RNF38: variants seen among roughly 807,000 people sequenced by gnomAD.
RNF38 encodes the protein E3 ubiquitin-protein ligase RNF38.
A neutral mutation model predicts 67.2 loss-of-function variants in RNF38; 15 were observed. That is an observed-to-expected ratio of 0.22 (90% CI 0.15 to 0.34). The LOEUF (loss-of-function observed/expected upper bound fraction) is 0.34. Ranked by LOEUF, RNF38 falls within the 10% of genes least tolerant of loss-of-function variation. The pLI, the probability that RNF38 is intolerant of heterozygous loss-of-function variation, is 1.00. For synonymous variants in RNF38, 220 were observed against 218.8 expected, an observed-to-expected ratio of 1.01 and a Z score of -0.05; for missense variants, 524 against 639.9, an observed-to-expected ratio of 0.82 and a Z score of 1.95.
chr9:36,417,243 C>T (rs1475424257), intron 2 of RNF38, among the ~76,000 whole-genome samples: 2 of 152,080 alleles, frequency 1.3e-5, no homozygotes, highest in South Asian at 2.1e-4. Flanking sequence ...GAATTTGCAG[C>T]GACAAGCCGC....
chr9:36,380,501 G>T (rs1587558856), intron 2 of RNF38, among the ~76,000 whole-genome samples: 1 of 148,230 alleles, frequency 6.7e-6, no homozygotes, highest in Non-Finnish European at 1.5e-5. Context: ...CGCCCGGCCT[G>T]TTTTTTTTTT....
At chr9:36,453,281 ACAGCTCACTG>A (rs1839503816) in intron 1 of RNF38, among the ~76,000 whole-genome samples, 1 of 151,958 alleles carries the variant, frequency 6.6e-6, no homozygotes, top group African/African-American at 2.4e-5. Flanking sequence ...TGGCACAAAC[ACAGCTCACTG>A]CAGCCTCAAA....
Position 36,383,195 on chromosome 9 carries a change from A to T in RNF38, c.163-7068T>A, listed in dbSNP as rs184911613. ...CATTTTTAAACTATGTCCAGATAATACGTAAAATGTGGTTTTTTGGTTGCT... is the reference window on the plus strand; with the variant it reads ...CATTTTTAAACTATGTCCAGATAATTCGTAAAATGTGGTTTTTTGGTTGCT... On this transcript the variant is annotated intron_variant, in intron 2 of 11. Coordinates refer to ENST00000259605, the MANE Select transcript of RNF38 (RefSeq NM_022781.5). 7.9e-5 allele frequency among the ~76,000 whole-genome samples: 12 copies of T among 152,268 alleles called. No homozygotes were observed. The East Asian group carries it at 2.3e-3, about 29-fold the overall frequency.
intron 1 of RNF38, among the ~76,000 whole-genome samples, chr9:36,480,892 C>T (rs1051981431): frequency 2.0e-5 from 3 of 151,984 alleles, no homozygotes; most frequent in Non-Finnish European, 4.4e-5. Flanking sequence ...TACTTCCCTA[C>T]ATTTCTCAAC....
intron 2 of RNF38, among the ~76,000 whole-genome samples, chr9:36,423,948 CAAAAAAA>C (rs1176900248): frequency 6.7e-4 from 5 of 7,408 alleles, no homozygotes; most frequent in South Asian, 5.0e-3. Flanking sequence ...GACTCCGTCT[CAAAAAAA>C]AAAAAAAAAA....
At chr9:36,360,153 G>GAAAAA (rs11291940) in intron 4 of RNF38, among the ~76,000 whole-genome samples, 1 of 150,110 alleles carries the variant, frequency 6.7e-6, no homozygotes, top group Admixed American at 6.6e-5. Flanking sequence ...AGACAGGATT[G>GAAAAA]AAAAAAAAAA....
chr9:36,447,572 C>A (rs1191013063), intron 1 of RNF38, among the ~76,000 whole-genome samples: 1 of 152,094 alleles, frequency 6.6e-6, no homozygotes, highest in Non-Finnish European at 1.5e-5. Context: ...TGGTCAGTAA[C>A]AACCAACCTG....
chr9:36,435,234 T>G (rs1463459460), intron 1 of RNF38, among the ~76,000 whole-genome samples: 3 of 152,174 alleles, frequency 2.0e-5, no homozygotes, highest in Non-Finnish European at 4.4e-5. Flanking sequence ...ATTTTTAAAT[T>G]TTTGAACCAT....
intron 1 of RNF38, among the ~76,000 whole-genome samples, chr9:36,484,428 T>A (rs1284101476): frequency 6.6e-6 from 1 of 152,174 alleles, no homozygotes; most frequent in Non-Finnish European, 1.5e-5. Context: ...AAAACTGTGT[T>A]CTATAAACAA....
At chr9:36,352,719 C>T (rs375732715) in intron 8 of RNF38, 23 bp downstream of exon 8, 5 of 1,500,236 alleles carry the variant, frequency 3.3e-6, no homozygotes, top group African/African-American at 1.4e-5. Flanking sequence ...ATTCAGAAAT[C>T]ATTAAGATAA....
intron 1 of RNF38, among the ~76,000 whole-genome samples, chr9:36,477,575 ACTTTGGGAGG>A (rs1430675210): frequency 6.6e-6 from 1 of 151,810 alleles, no homozygotes; most frequent in Non-Finnish European, 1.5e-5. Flanking sequence ...TAATCCCAAC[ACTTTGGGAGG>A]CTGAGGCAGG....
intron 6 of RNF38, among the ~76,000 whole-genome samples, chr9:36,354,574 C>T (rs1833953232): frequency 6.6e-6 from 1 of 152,192 alleles, no homozygotes; most frequent in Admixed American, 6.5e-5. Context: ...GCTTTCAAGG[C>T]TCATCTGTTT....
At chr9:36,423,799 A>T (rs1384239259) in intron 2 of RNF38, among the ~76,000 whole-genome samples, 3 of 88,628 alleles carry the variant, frequency 3.4e-5, no homozygotes, top group African/African-American at 1.2e-4. Flanking sequence ...AATACAAAAA[A>T]TTAGCCGGGC....
chr9:36,372,238 C>T (rs771811077), intron 3 of RNF38, among the ~76,000 whole-genome samples: 1 of 152,106 alleles, frequency 6.6e-6, no homozygotes, highest in Non-Finnish European at 1.5e-5. Context: ...TGAATGAACT[C>T]ACTTTTTCTA....
intron 2 of RNF38, among the ~76,000 whole-genome samples, chr9:36,389,356 A>AC (rs1032948318): frequency 1.8e-4 from 27 of 151,552 alleles, no homozygotes; most frequent in Non-Finnish European, 2.9e-4. Context: ...AAAAAAAAAA[A>AC]AAAACCCTTT....
At chr9:36,362,200 T>C (rs1432502475) in intron 4 of RNF38, among the ~76,000 whole-genome samples, 1 of 151,778 alleles carries the variant, frequency 6.6e-6, no homozygotes, top group African/African-American at 2.4e-5. Flanking sequence ...CTACTAAAAA[T>C]ACAAACAATT....
chr9:36,459,000 G>C (rs921768444), intron 1 of RNF38, among the ~76,000 whole-genome samples: 7 of 152,244 alleles, frequency 4.6e-5, no homozygotes, highest in Admixed American at 2.0e-4. Context: ...ACGAGGTCAA[G>C]AGATTGAGAC....
chr9:36,445,926 C>T (rs1188620866), intron 1 of RNF38, among the ~76,000 whole-genome samples: 3 of 152,212 alleles, frequency 2.0e-5, no homozygotes, highest in Non-Finnish European at 4.4e-5. Context: ...AACTTCAGAG[C>T]CGTTGCCACA....
chr9:36,384,759 AG>A (rs1394590860), intron 2 of RNF38, among the ~76,000 whole-genome samples: 2 of 152,214 alleles, frequency 1.3e-5, no homozygotes, highest in East Asian at 3.8e-4. Flanking sequence ...TGTTTATTTT[AG>A]GCTAAGGAAA....
Sources: gnomAD v4.1 joint callset for allele counts (sites outside exome capture counted in the v4.1 genomes callset) on GRCh38, gnomAD v4.1.1 for gene constraint, MANE v1.5 for transcripts, NCBI Gene and HGNC (gene_info 2026-07-23, HGNC 2026-07-21) for gene names.